The following OSBPL5 variants were observed in gnomAD, a reference collection of about 807,000 sequenced individuals.
OSBPL5 encodes oxysterol-binding protein-related protein 5.
Under a neutral mutation model 111.2 loss-of-function variants are expected in OSBPL5, and 71 were observed. The observed-to-expected ratio is 0.64, with a 90% CI of 0.53 to 0.78. The LOEUF (loss-of-function observed/expected upper bound fraction) is 0.78. Ranked by LOEUF, OSBPL5 falls within the 30% of genes least tolerant of loss-of-function variation. The pLI is 0.00. For missense variants in OSBPL5, 1,210 were observed against 1,189.3 expected (o/e 1.02, Z -0.26); for synonymous variants, 549 against 513.9 (o/e 1.07, Z -0.93).
chr11:3,137,397 T>C (rs1473741072), intron 1 of OSBPL5, among the ~76,000 whole-genome samples: 1 of 152,226 alleles, frequency 6.6e-6, no homozygotes, highest in Admixed American at 6.5e-5. Flanking sequence ...TCTGCTGCAC[T>C]GATGGACCTT....
rs953597564 is a variant in OSBPL5, at chr11:3,105,374, C to T, written c.1060-997G>A. Among the ~76,000 whole-genome samples the T allele has an allele frequency of 1.1e-4, 16 of 152,168 alleles. No homozygotes were observed. The highest frequency in any genetic ancestry group is 4.4e-5 in the Non-Finnish European group (3 of 68,018). Reference sequence around the variant, plus strand: ...TGGCCACGGACAGATCCTGGTGGCACTGGCCCAGTGGACAGTGTGTGTGGA... The same window carrying T: ...TGGCCACGGACAGATCCTGGTGGCATTGGCCCAGTGGACAGTGTGTGTGGA... On this transcript the variant is annotated intron_variant, in intron 9 of 21. Transcript: ENST00000263650. This position sits in a 1 kb window ranked among gnomAD's most constrained non-coding sequence, Gnocchi z 5.2.
chr11:3,089,138 G>A (rs564320343), intron 21 of OSBPL5, among the ~76,000 whole-genome samples: 24 of 152,308 alleles, frequency 1.6e-4, no homozygotes, highest in African/African-American at 5.5e-4. Flanking sequence ...GCACCTTCTG[G>A]AAATGCTTAC....
rs1846707674 is a variant in OSBPL5, at chr11:3,154,915, T to C, written c.-22+10301A>G. The stretch of plus-strand genomic sequence containing the variant: ...ATGTACCCTAGAACTTAAAGTATAA[T>C]AATAATAATAATAATAAAAAGAGCC... On this transcript the variant is annotated intron_variant, in intron 1 of 21. Transcript: ENST00000263650. The surrounding 1 kb of genome is among the most constrained non-coding windows in gnomAD (Gnocchi z 4.9). 6.8e-6 allele frequency among the ~76,000 whole-genome samples: 1 copy of C among 147,284 alleles called. No individual in the cohort carries two copies. The highest frequency in any genetic ancestry group is 1.9e-4 in the East Asian group (1 of 5,180).
Position 3,126,779 on chromosome 11 carries a change from C to T in OSBPL5, c.137-224G>A, listed in dbSNP as rs1282722202. On this transcript the variant is annotated intron_variant, in intron 2 of 21. Transcript: ENST00000263650. The surrounding 1 kb of genome is among the most constrained non-coding windows in gnomAD (Gnocchi z 6.5). ...GTGCCAGGAGAACTGGCAGGGCCTCCAGGACCTACAGGGAGGAAGCTGGGA... is the reference window on the plus strand; with the variant it reads ...GTGCCAGGAGAACTGGCAGGGCCTCTAGGACCTACAGGGAGGAAGCTGGGA... The T allele has an allele frequency of 4.5e-6, 2 of 447,392 alleles. No individual in the cohort carries two copies. The highest frequency in any genetic ancestry group is 3.9e-5 in the East Asian group (1 of 25,480). The allele number at this position is 447,392 out of a possible 1,614,324, so 27.7% of individuals were successfully genotyped here.
intron 14 of OSBPL5, among the ~76,000 whole-genome samples, chr11:3,096,941 A>AGGGGGAAGAT (rs1564824356): frequency 8.3e-6 from 1 of 120,556 alleles, no homozygotes; most frequent in Admixed American, 9.0e-5. Flanking sequence ...GAGAGGAAAG[A>AGGGGGAAGAT]GGGAGGAGAT....
At position 3,093,589 on chromosome 11, in the gene OSBPL5, G is replaced by T; in HGVS notation, c.1884C>A (p.Arg628=). The change falls in exon 17 of 22, where the codon CGC becomes CGA. Residue 628 remains arginine (R), a synonymous_variant. Coordinates refer to ENST00000263650, the MANE Select transcript of OSBPL5 (RefSeq NM_020896.4). ...CCGTGTGCTGCCTCAGCCTCTGTCT[G>T]CGGACCTCCCCGCTCGGGGTCCAGA... is the stretch of plus-strand genomic sequence containing the variant. The part of the protein sequence containing the change: ...ALFWTPSGEV[R]RQRLRQHTVP... 2 of 1,612,600 alleles carry T rather than the reference G, an allele frequency of 1.2e-6. No homozygotes were observed. The highest frequency in any genetic ancestry group is 1.7e-6 in the Non-Finnish European group (2 of 1,179,992).
At chr11:3,129,737 C>T (rs901292056) in intron 1 of OSBPL5, among the ~76,000 whole-genome samples, 2 of 152,172 alleles carry the variant, frequency 1.3e-5, no homozygotes, top group African/African-American at 2.4e-5. Flanking sequence ...AGCTTGGGTG[C>T]CCCAACAGTT....
intron 2 of OSBPL5, among the ~76,000 whole-genome samples, chr11:3,127,017 G>A (rs972341647): frequency 1.3e-4 from 20 of 152,218 alleles, no homozygotes; most frequent in Non-Finnish European, 2.4e-4. Flanking sequence ...AGCCCTGTCT[G>A]CCATCCCACC....
intron 11 of OSBPL5, among the ~76,000 whole-genome samples, chr11:3,103,024 G>A (rs1356402570): frequency 2.6e-5 from 4 of 152,186 alleles, no homozygotes; most frequent in Non-Finnish European, 5.9e-5. Context: ...CACCCTTGGG[G>A]ACCCGGCCTG....
intron 1 of OSBPL5, among the ~76,000 whole-genome samples, chr11:3,136,683 T>C (rs1224281617): frequency 6.6e-6 from 1 of 152,188 alleles, no homozygotes; most frequent in African/African-American, 2.4e-5. Context: ...CAGGAGGCCC[T>C]GGGGAAGGCG....
Position 3,104,218 on chromosome 11 carries a change from A to G in OSBPL5, c.1219T>C (p.Tyr407His). 4 of 1,611,592 alleles carry G rather than the reference A, an allele frequency of 2.5e-6. No individual in the cohort carries two copies. The highest frequency in any genetic ancestry group is 3.4e-6 in the Non-Finnish European group (4 of 1,178,190). ...CTGGAGAGCAGGTCTGCGTGGTAGT[A>G]GTAGTCGGAGAGCTTGTTCAGGAAG... ...RSFLNKLSDY[Y>H]YHADLLSRAA... is the part of the protein sequence containing the mutation. Residue 407 changes from tyrosine (Y) to histidine (H), a missense_variant, in exon 10 of 22, where the codon TAC becomes CAC. Tyr to His is a moderately conservative substitution (Grantham distance 83). Transcript: ENST00000263650. This position sits in a 1 kb window ranked among gnomAD's most constrained non-coding sequence, Gnocchi z 5.0.
At chr11:3,120,302 C>T in intron 6 of OSBPL5, 119 bp downstream of exon 6, 2 of 1,282,776 alleles carry the variant, frequency 1.6e-6, no homozygotes, top group Non-Finnish European at 2.1e-6. Flanking sequence ...AGGTGAGACA[C>T]CTGCTCAAGG....
rs369984713 is a variant in OSBPL5 at position 3,089,939 on chromosome 11, C to T, written c.2408G>A (p.Ser803Asn). 3 of 1,550,082 alleles carry T rather than the reference C, an allele frequency of 1.9e-6. No homozygotes were observed. The African/African-American group carries it at 4.1e-5, about 21-fold the overall frequency. Residue 803 changes from serine (S) to asparagine (N), a missense_variant, in exon 21 of 22, where the codon AGC becomes AAC. Ser to Asn is a conservative substitution (Grantham distance 46, BLOSUM62 1). Transcript: ENST00000263650. ...QDGDFVPGGE[S>N]PCPRCRKEAR... ...CTCCTTCCTGCACCGAGGGCATGGG[C>T]TCTCACCGCCTGGGACGGCCCCGAG...
Position 3,110,216 on chromosome 11 carries a change from G to A in OSBPL5, c.692-2271C>T, listed in dbSNP as rs1857869248. Among the ~76,000 whole-genome samples the A allele has an allele frequency of 6.6e-6, 1 of 152,206 alleles. No homozygotes were observed. The highest frequency in any genetic ancestry group is 1.5e-5 in the Non-Finnish European group (1 of 68,044). On this transcript the variant is annotated intron_variant, in intron 7 of 21. Coordinates refer to ENST00000263650, the MANE Select transcript of OSBPL5 (RefSeq NM_020896.4). The surrounding 1 kb of genome is among the most constrained non-coding windows in gnomAD (Gnocchi z 5.3). ...TGCTTTAGGTCTGCACCACCGGCGG[G>A]ATGGGAGCCCTTCACCCCACTGCTC...
chr11:3,123,921 C>G (rs951285699), intron 3 of OSBPL5, among the ~76,000 whole-genome samples: 1 of 152,168 alleles, frequency 6.6e-6, no homozygotes, highest in Non-Finnish European at 1.5e-5. Flanking sequence ...GACTGGCGGT[C>G]CTGGCAGCAC....
chr11:3,123,892 G>A (rs1381620257), intron 3 of OSBPL5, among the ~76,000 whole-genome samples: 1 of 152,172 alleles, frequency 6.6e-6, no homozygotes, highest in Non-Finnish European at 1.5e-5. Flanking sequence ...CAAGGGGCAG[G>A]GCATGGAACC....
intron 7 of OSBPL5, among the ~76,000 whole-genome samples, chr11:3,117,506 C>T (rs1489757662): frequency 2.6e-5 from 4 of 152,184 alleles, no homozygotes; most frequent in Non-Finnish European, 5.9e-5. Context: ...ACTCTTGCTG[C>T]ACTGTATATA....
chr11:3,102,159 CG>C, intron 12 of OSBPL5, 23 bp downstream of exon 12: 1 of 1,568,734 alleles, frequency 6.4e-7, no homozygotes, highest in Non-Finnish European at 8.6e-7. Flanking sequence ...GCACCCAGGC[CG>C]GTTGCAGCAG....
chr11:3,148,782 A>C (rs184171991), intron 1 of OSBPL5, among the ~76,000 whole-genome samples: 9 of 152,322 alleles, frequency 5.9e-5, no homozygotes, highest in Admixed American at 5.9e-4. Flanking sequence ...CATCTCCCAG[A>C]GGGAGGCTAA....
Sources: allele counts gnomAD v4.1 joint callset (sites outside exome capture counted in the v4.1 genomes callset), GRCh38; gene constraint gnomAD v4.1.1; non-coding constraint Gnocchi (gnomAD v3.1); transcripts MANE v1.5; gene names NCBI Gene and HGNC (gene_info 2026-07-23, HGNC 2026-07-21).